DNM3: variants seen among roughly 807,000 people sequenced by gnomAD.
The protein encoded by DNM3 is dynamin-3.
A neutral mutation model predicts 101.6 loss-of-function variants in DNM3; 47 were observed. The ratio of observed to expected loss-of-function variants is 0.46; its 90% confidence interval spans 0.37 to 0.59. The LOEUF (loss-of-function observed/expected upper bound fraction) is 0.59. DNM3 is among the 20% of genes least tolerant of loss of function. The pLI is 0.00. For synonymous variants in DNM3, 385 were observed against 387.9 expected (o/e 0.99, Z 0.09); for missense variants, 849 against 1,085.7 (o/e 0.78, Z 3.06).
chr1:172,069,265 A>T (rs1193362325), intron 11 of DNM3, among the ~76,000 whole-genome samples: 5 of 152,316 alleles, frequency 3.3e-5, no homozygotes, highest in Admixed American at 2.0e-4. Context: ...AGAGGTTCTT[A>T]ACTTTTATTG....
chr1:171,972,646 T>C (rs1008036874), intron 2 of DNM3, among the ~76,000 whole-genome samples: 2 of 151,896 alleles, frequency 1.3e-5, no homozygotes, highest in African/African-American at 4.8e-5. Flanking sequence ...GATCGGGAGG[T>C]TGAGTCCAGC....
At chr1:171,871,389 A>C (rs1394203323) in intron 1 of DNM3, among the ~76,000 whole-genome samples, 2 of 152,218 alleles carry the variant, frequency 1.3e-5, no homozygotes, top group Non-Finnish European at 1.5e-5. Context: ...CGGAAAATTC[A>C]ATGCATTGCC....
chr1:171,987,119 T>G (rs1473171169), intron 2 of DNM3, among the ~76,000 whole-genome samples: 1 of 152,180 alleles, frequency 6.6e-6, no homozygotes, highest in East Asian at 1.9e-4. Flanking sequence ...GAAATTGTCT[T>G]TGTATAAGTT....
At chr1:172,072,612 G>T (rs1425660863) in intron 11 of DNM3, among the ~76,000 whole-genome samples, 1 of 152,190 alleles carries the variant, frequency 6.6e-6, no homozygotes, top group Admixed American at 6.5e-5. Context: ...TCTTGGCCAG[G>T]CACGGTGGCT....
chr1:172,004,862 G>A (rs2125684553), intron 4 of DNM3, among the ~76,000 whole-genome samples: 1 of 152,082 alleles, frequency 6.6e-6, no homozygotes, highest in East Asian at 1.9e-4. Context: ...CAATAAAGAT[G>A]GTTCCAGATG....
intron 15 of DNM3, among the ~76,000 whole-genome samples, chr1:172,293,970 G>A (rs952151934): frequency 2.6e-5 from 4 of 152,128 alleles, no homozygotes; most frequent in Non-Finnish European, 2.9e-5. Context: ...CTGGCCACGC[G>A]CTCCCATGAC....
In DNM3 at chr1:172,408,810, C is replaced by T. The variant is rs1179047821; in HGVS notation, c.*969C>T. On this transcript the variant is annotated 3_prime_UTR_variant, in exon 21 of 21. Transcript: ENST00000627582. ...CTTGTTTTGTAAGAATTTATCCTAC[C>T]CTTGAAACAGGCTCAGTGTAACTGT... 2.6e-5 allele frequency: 26 copies of T among 984,998 alleles called. No homozygotes were observed. Among genetic ancestry groups the T allele is most frequent in the East Asian group, 1.1e-4 (1 of 8,826 alleles). The allele number at this position is 984,998 out of a possible 1,614,324, so 61.0% of individuals were successfully genotyped here.
intron 4 of DNM3, among the ~76,000 whole-genome samples, chr1:172,004,481 T>A (rs1572043054): frequency 6.6e-6 from 1 of 151,556 alleles, no homozygotes; most frequent in Admixed American, 6.6e-5. Context: ...CTAAGGGGAG[T>A]GAGGACTAAC....
At position 172,409,588 on chromosome 1, in the gene DNM3, A is replaced by T; in HGVS notation, c.*1747A>T. 4.1e-6 allele frequency: 4 copies of T among 985,394 alleles called. No homozygotes were observed. In the South Asian group the frequency reaches 1.9e-4, roughly 46 times the overall value. The allele number at this position is 985,394 out of a possible 1,614,324, so 61.0% of individuals were successfully genotyped here. On this transcript the variant is annotated 3_prime_UTR_variant, in exon 21 of 21. Coordinates refer to ENST00000627582, the MANE Select transcript of DNM3 (RefSeq NM_015569.5). ...TCTCGTATCTCACCCCAAACCCCAA[A>T]CTGGGGGAAAAAAAGTTAACTCTTT...
chr1:172,164,713 G>T (rs1025634062), intron 14 of DNM3, among the ~76,000 whole-genome samples: 1 of 152,036 alleles, frequency 6.6e-6, no homozygotes, highest in Non-Finnish European at 1.5e-5. Context: ...ATGCCTGTGT[G>T]TGCTGATCTT....
chr1:171,879,236 C>T (rs978252100), intron 1 of DNM3, among the ~76,000 whole-genome samples: 3 of 152,150 alleles, frequency 2.0e-5, no homozygotes, highest in Non-Finnish European at 4.4e-5. Context: ...ACTGTTCTTC[C>T]TTTGCTATTG....
At chr1:172,328,777 C>T (rs898184824) in intron 17 of DNM3, among the ~76,000 whole-genome samples, 1 of 152,078 alleles carries the variant, frequency 6.6e-6, no homozygotes, top group African/African-American at 2.4e-5. Flanking sequence ...CATATCTACC[C>T]CCTGAGCCTA....
chr1:171,876,349 G>T (rs932180766), intron 1 of DNM3, among the ~76,000 whole-genome samples: 2 of 152,086 alleles, frequency 1.3e-5, no homozygotes, highest in African/African-American at 4.8e-5. Context: ...ACAAAAAAAG[G>T]ACAGTTCACT....
chr1:172,121,898 C>A (rs1051583845), intron 13 of DNM3, among the ~76,000 whole-genome samples: 2 of 152,114 alleles, frequency 1.3e-5, no homozygotes, highest in Admixed American at 1.3e-4. Context: ...TTCAGTCAAT[C>A]CAGTCAGTTC....
In DNM3 at chr1:172,063,461, A is replaced by G. The variant is rs2051406588; in HGVS notation, c.1336-5358A>G. ...AAAATAATTAATCAGTACCCTAAAT[A>G]ACACTTACAACATTGGACCTTATTA... On this transcript the variant is annotated intron_variant, in intron 10 of 20. Transcript: ENST00000627582. 2.6e-5 allele frequency among the ~76,000 whole-genome samples: 4 copies of G among 152,220 alleles called. No individual in the cohort carries two copies. The South Asian group carries it at 8.3e-4, about 32-fold the overall frequency.
chr1:172,403,725 C>T (rs537069106), intron 20 of DNM3, among the ~76,000 whole-genome samples: 4 of 152,176 alleles, frequency 2.6e-5, no homozygotes, highest in African/African-American at 7.2e-5. Context: ...AACCATAAAC[C>T]GCCCACATAC....
chr1:172,025,760 C>T (rs758977965), intron 4 of DNM3, among the ~76,000 whole-genome samples: 31 of 152,110 alleles, frequency 2.0e-4, no homozygotes, highest in Non-Finnish European at 4.1e-4. Context: ...ATAGCATCAA[C>T]GTCAACAAAA....
At chr1:172,221,569 A>G (rs539744589) in intron 14 of DNM3, among the ~76,000 whole-genome samples, 2 of 152,256 alleles carry the variant, frequency 1.3e-5, no homozygotes, top group Non-Finnish European at 2.9e-5. Flanking sequence ...TTATCCATTC[A>G]TTCTACTAAT....
At chr1:172,190,717 G>A (rs1310185440) in intron 14 of DNM3, among the ~76,000 whole-genome samples, 2 of 152,124 alleles carry the variant, frequency 1.3e-5, no homozygotes, top group African/African-American at 4.8e-5. Context: ...TCTAACTGGT[G>A]TGAGATGGTA....
Sources: gnomAD v4.1 joint callset for allele counts (sites outside exome capture counted in the v4.1 genomes callset) on GRCh38, gnomAD v4.1.1 for gene constraint, MANE v1.5 for transcripts, NCBI Gene and HGNC (gene_info 2026-07-23, HGNC 2026-07-21) for gene names.